ACVR1C: variants seen among roughly 807,000 people sequenced by gnomAD.
ACVR1C encodes activin A receptor type 1C, also known as activin receptor type-1C.
Under a neutral mutation model 57.9 loss-of-function variants are expected in ACVR1C, and 23 were observed. That is an observed-to-expected ratio of 0.40 (90% CI 0.29 to 0.56). The LOEUF (loss-of-function observed/expected upper bound fraction) is 0.56. Ranked by LOEUF, ACVR1C falls within the 20% of genes least tolerant of loss-of-function variation. The pLI is 0.50. For missense variants in ACVR1C, 480 were observed against 607.9 expected (o/e 0.79, Z 2.21); for synonymous variants, 214 against 215.3 (o/e 0.99, Z 0.05).
At chr2:157,602,942 A>T (rs1682313146) in intron 1 of ACVR1C, among the ~76,000 whole-genome samples, 1 of 152,180 alleles carries the variant, frequency 6.6e-6, no homozygotes, top group Non-Finnish European at 1.5e-5. Context: ...GTTCCGTCAA[A>T]GTATTTAGTT....
At chr2:157,621,400 T>C (rs563311902) in intron 1 of ACVR1C, among the ~76,000 whole-genome samples, 1 of 152,138 alleles carries the variant, frequency 6.6e-6, no homozygotes, top group Non-Finnish European at 1.5e-5. Context: ...GTCTTCCTTG[T>C]CTGTTTCATA....
At chr2:157,538,476 G>A in intron 8 of ACVR1C, 97 bp downstream of exon 8, 1 of 1,176,682 alleles carries the variant, frequency 8.5e-7, no homozygotes, top group Non-Finnish European at 1.1e-6. Context: ...CTACATATAT[G>A]GAATGAATTG....
intron 1 of ACVR1C, among the ~76,000 whole-genome samples, chr2:157,592,204 C>T (rs1007192621): frequency 7.9e-5 from 12 of 152,028 alleles, no homozygotes; most frequent in Admixed American, 5.2e-4. Context: ...TCTCACCTTA[C>T]AGCTTTATCT....
chr2:157,535,261 C>A (rs1687454047), intron 8 of ACVR1C, among the ~76,000 whole-genome samples: 1 of 151,620 alleles, frequency 6.6e-6, no homozygotes, highest in East Asian at 1.9e-4. Context: ...AGTCTTGGCT[C>A]TTGGTGAAGG....
At chr2:157,595,353 T>C (rs947762444) in intron 1 of ACVR1C, among the ~76,000 whole-genome samples, 1 of 152,190 alleles carries the variant, frequency 6.6e-6, no homozygotes, top group African/African-American at 2.4e-5. Context: ...GCTGAATCTT[T>C]GTTTCCTTAG....
At chr2:157,603,209 G>A (rs1015778649) in intron 1 of ACVR1C, among the ~76,000 whole-genome samples, 3 of 152,126 alleles carry the variant, frequency 2.0e-5, no homozygotes, top group African/African-American at 7.2e-5. Flanking sequence ...TACGCTACAT[G>A]GAAACTTACC....
At chr2:157,541,527 G>A (rs2105206603) in intron 6 of ACVR1C, among the ~76,000 whole-genome samples, 1 of 152,230 alleles carries the variant, frequency 6.6e-6, no homozygotes, top group East Asian at 1.9e-4. Flanking sequence ...GGAGATTTTG[G>A]AGATTTCCCA....
chr2:157,535,458 GAA>G lies in ACVR1C; in HGVS notation c.1357-1417_1357-1416del, dbSNP rs1264894414. Among the ~76,000 whole-genome samples the G allele has an allele frequency of 5.9e-5, 9 of 152,220 alleles. No homozygotes were observed. In the South Asian group the frequency reaches 1.9e-3, roughly 32 times the overall value. On this transcript the variant is annotated intron_variant, in intron 8 of 8. Transcript: ENST00000243349. ...TAAAATATATTTTTAAAAGGAAAGA[GAA>G]ATACAAAATATGAGTAAAAAATGAG...
rs544782817 is a variant in ACVR1C at position 157,589,252 on chromosome 2, C to G, written c.74-1835G>C. Reference sequence around the variant, plus strand: ...CTGGCTGGGGTAAGCTGGTATCACACTGTGATTTTAATTTGCATTTCCCTG... The same window carrying G: ...CTGGCTGGGGTAAGCTGGTATCACAGTGTGATTTTAATTTGCATTTCCCTG... On this transcript the variant is annotated intron_variant, in intron 1 of 8. Coordinates refer to ENST00000243349, the MANE Select transcript of ACVR1C (RefSeq NM_145259.3). 4.0e-5 allele frequency among the ~76,000 whole-genome samples: 6 copies of G among 151,884 alleles called. 1 individual carries two copies. The highest frequency in any genetic ancestry group is 1.2e-4 in the African/African-American group (5 of 41,512).
intron 3 of ACVR1C, among the ~76,000 whole-genome samples, chr2:157,552,565 C>T (rs886111499): frequency 1.3e-5 from 2 of 152,212 alleles, no homozygotes; most frequent in Non-Finnish European, 2.9e-5. Flanking sequence ...TATCCACATA[C>T]ATACATGCAC....
In ACVR1C at chr2:157,533,896, C is replaced by A. The variant is rs1687417178; in HGVS notation, c.*22G>T. 1 of 1,520,436 alleles carries A rather than the reference C, an allele frequency of 6.6e-7. No homozygotes were observed. The highest frequency in any genetic ancestry group is 8.8e-7 in the Non-Finnish European group (1 of 1,139,476). 94.2% of individuals were successfully genotyped at this position (1,520,436 alleles called of 1,614,324 possible). A position where few individuals can be genotyped will look rare whatever the true frequency, so the allele number is the denominator to read the frequency against. On this transcript the variant is annotated 3_prime_UTR_variant, in exon 9 of 9. Transcript: ENST00000243349. ...TGGAAAAGAAAGCTATGAGAGATTT[C>A]TTTTTAACATAATTATCATCATTAG...
chr2:157,582,161 AT>A (rs200503073), intron 2 of ACVR1C, among the ~76,000 whole-genome samples: 5 of 150,694 alleles, frequency 3.3e-5, no homozygotes, highest in South Asian at 2.1e-4. Context: ...CAAAAAAATA[AT>A]TTTTTTTTTG....
intron 1 of ACVR1C, among the ~76,000 whole-genome samples, chr2:157,608,872 A>C: frequency 6.6e-6 from 1 of 151,490 alleles, no homozygotes; most frequent in Middle Eastern, 3.2e-3. Flanking sequence ...CTTTTTTCTT[A>C]GTCTAGTTAA....
At chr2:157,554,254 A>AG (rs1491483317) in intron 3 of ACVR1C, among the ~76,000 whole-genome samples, 2 of 139,974 alleles carry the variant, frequency 1.4e-5, no homozygotes, top group Non-Finnish European at 3.0e-5. Flanking sequence ...AAAGAAAGAA[A>AG]GAAAGAAAGA....
intron 3 of ACVR1C, among the ~76,000 whole-genome samples, chr2:157,554,188 A>T (rs1187364240): frequency 2.8e-5 from 4 of 145,232 alleles, no homozygotes; most frequent in East Asian, 4.0e-4. Flanking sequence ...GGAAAAAAAA[A>T]AAATAAAGAA....
At chr2:157,580,094 C>T (rs373993315) in intron 2 of ACVR1C, among the ~76,000 whole-genome samples, 5 of 151,946 alleles carry the variant, frequency 3.3e-5, no homozygotes, top group Admixed American at 1.3e-4. Context: ...AACACACACG[C>T]GCGCACGCAC....
chr2:157,622,987 T>C (rs1260382274), intron 1 of ACVR1C, among the ~76,000 whole-genome samples: 8 of 152,106 alleles, frequency 5.3e-5, no homozygotes, highest in African/African-American at 1.9e-4. Context: ...GACATACAAA[T>C]GGCAAACAGC....
At chr2:157,550,836 G>T (rs1687897176) in intron 3 of ACVR1C, among the ~76,000 whole-genome samples, 1 of 151,458 alleles carries the variant, frequency 6.6e-6, no homozygotes, top group African/African-American at 2.4e-5. Context: ...CAAAAACCAA[G>T]CTCAAATTGG....
intron 1 of ACVR1C, among the ~76,000 whole-genome samples, chr2:157,624,049 T>G (rs1682843412): frequency 6.6e-6 from 1 of 152,206 alleles, no homozygotes; most frequent in South Asian, 2.1e-4. Flanking sequence ...TTTATATATA[T>G]GTCAACATAA....
Sources: gnomAD v4.1 joint callset for allele counts (sites outside exome capture counted in the v4.1 genomes callset) on GRCh38, gnomAD v4.1.1 for gene constraint, MANE v1.5 for transcripts, NCBI Gene and HGNC (gene_info 2026-07-23, HGNC 2026-07-21) for gene names.